Variants in SDK2 observed in about 807,000 individuals in gnomAD.
The protein encoded by SDK2 is sidekick cell adhesion molecule 2.
Under a neutral mutation model 253.9 loss-of-function variants are expected in SDK2, and 105 were observed. The ratio of observed to expected loss-of-function variants is 0.41; its 90% CI spans 0.35 to 0.49. The LOEUF (loss-of-function observed/expected upper bound fraction) is 0.49, where lower values mean the gene tolerates loss of function less well. SDK2 is among the 20% of genes least tolerant of loss of function. The pLI is 0.06. For synonymous variants in SDK2, 1,249 were observed against 1,234.9 expected (o/e 1.01, Z -0.24); for missense variants, 2,608 against 3,003.0 (o/e 0.87, Z 3.07).
chr17:73,580,687 C>T lies in SDK2; in HGVS notation c.64+63338G>A, dbSNP rs140515516. On this transcript the variant is annotated intron_variant, in intron 1 of 44. Coordinates refer to ENST00000392650, the MANE Select transcript of SDK2 (RefSeq NM_001144952.2). Reference sequence around the variant, plus strand: ...CACATATGTGTAAGCGGAGGAGCTACACAAAGAAGGAAAAAGGTTGGTATT... The same window carrying T: ...CACATATGTGTAAGCGGAGGAGCTATACAAAGAAGGAAAAAGGTTGGTATT... Among the ~76,000 whole-genome samples, 406 of 152,338 alleles carry T rather than the reference C, an allele frequency of 2.7e-3. 3 individuals are homozygous for T. The highest frequency in any genetic ancestry group is 9.0e-3 in the African/African-American group (375 of 41,576).
At chr17:73,482,608 T>C (rs1420395019) in intron 2 of SDK2, among the ~76,000 whole-genome samples, 1 of 152,202 alleles carries the variant, frequency 6.6e-6, no homozygotes, top group Non-Finnish European at 1.5e-5. Context: ...GGGGAAGGCG[T>C]CTGTCGGCCC....
chr17:73,390,486 G>T lies in SDK2; in HGVS notation c.3998-5C>A. The T allele has an allele frequency of 6.2e-7, 1 of 1,607,042 alleles. No individual in the cohort carries two copies. Among genetic ancestry groups the T allele is most frequent in the Non-Finnish European group, 8.5e-7 (1 of 1,175,580 alleles). On this transcript the variant is annotated splice_region_variant and splice_polypyrimidine_tract_variant and intron_variant, in intron 28 of 44. Transcript: ENST00000392650. ...GCCGGTGTGTGATCTGGTAAGCTGT[G>T]GGAAGGAAGCACATGGCTATTATGG...
At chr17:73,414,562 C>A in intron 18 of SDK2, 82 bp downstream of exon 18, 6 of 1,053,436 alleles carry the variant, frequency 5.7e-6, no homozygotes, top group Non-Finnish European at 8.8e-6. Context: ...GGGGGATTTC[C>A]TCCTGCCCAC....
intron 1 of SDK2, among the ~76,000 whole-genome samples, chr17:73,542,527 G>T (rs1049491570): frequency 6.6e-6 from 1 of 152,214 alleles, no homozygotes; most frequent in African/African-American, 2.4e-5. Flanking sequence ...TGAGCAGCCG[G>T]GCCTGGTAAG....
chr17:73,454,876 G>C (rs12150571), intron 4 of SDK2, among the ~76,000 whole-genome samples: 7 of 151,862 alleles, frequency 4.6e-5, no homozygotes, highest in African/African-American at 1.7e-4. Flanking sequence ...GCTAATTTTT[G>C]TATTTTTAGT....
chr17:73,629,569 G>C lies in SDK2; in HGVS notation c.64+14456C>G, dbSNP rs1416912320. Among the ~76,000 whole-genome samples, 1 of 152,084 alleles carries C rather than the reference G, an allele frequency of 6.6e-6. No individual in the cohort carries two copies. Among genetic ancestry groups the C allele is most frequent in the Non-Finnish European group, 1.5e-5 (1 of 68,020 alleles). ...AAAAGAAGACCCCAGCATTTCCTAG[G>C]GAAGACGGGGGCCCCTCCCATCCTA... is the stretch of plus-strand genomic sequence containing the variant. On this transcript the variant is annotated intron_variant, in intron 1 of 44. Coordinates refer to ENST00000392650, the MANE Select transcript of SDK2 (RefSeq NM_001144952.2). The surrounding 1 kb of genome is among the most constrained non-coding windows in gnomAD (Gnocchi z 5.0).
rs539453302 is a variant in SDK2, at chr17:73,466,714, C to T, written c.331+5398G>A. Among the ~76,000 whole-genome samples the T allele has an allele frequency of 3.9e-5, 4 of 103,418 alleles. No homozygotes were observed. In the South Asian group the frequency reaches 1.4e-3, roughly 35 times the overall value. 67.8% of individuals were successfully genotyped at this position (103,418 alleles called of 152,430 possible). On this transcript the variant is annotated intron_variant, in intron 3 of 44. Coordinates refer to ENST00000392650, the MANE Select transcript of SDK2 (RefSeq NM_001144952.2). ...GGATCATTTTGGAGGCTCTGGGGAA[C>T]GCCCCCCCCCCCCGGCTTAGGCTCT...
chr17:73,621,333 G>A (rs2046130282), intron 1 of SDK2, among the ~76,000 whole-genome samples: 1 of 152,176 alleles, frequency 6.6e-6, no homozygotes, highest in Admixed American at 6.5e-5. Context: ...ATCAATACTT[G>A]TTGAAGAAAT....
intron 3 of SDK2, among the ~76,000 whole-genome samples, chr17:73,457,365 T>C (rs1380480327): frequency 1.4e-5 from 2 of 141,422 alleles, no homozygotes; most frequent in Non-Finnish European, 3.1e-5. Flanking sequence ...CTTTCTTTCT[T>C]TCATCTCACT....
chr17:73,506,047 G>A (rs1020390014), intron 2 of SDK2, among the ~76,000 whole-genome samples: 9 of 152,216 alleles, frequency 5.9e-5, no homozygotes, highest in South Asian at 2.1e-4. Context: ...TCCTGCCTCC[G>A]GCTCCCAGCC....
intron 2 of SDK2, among the ~76,000 whole-genome samples, chr17:73,492,079 C>T (rs1323050151): frequency 2.0e-5 from 3 of 152,126 alleles, no homozygotes; most frequent in Non-Finnish European, 4.4e-5. Flanking sequence ...GGCCCCAACA[C>T]CATGGTGGCC....
intron 1 of SDK2, among the ~76,000 whole-genome samples, chr17:73,588,583 G>GC (rs1051739981): frequency 9.2e-5 from 14 of 151,914 alleles, no homozygotes; most frequent in African/African-American, 3.1e-4. Flanking sequence ...ACTCAACTTT[G>GC]CCCCCCAGGG....
chr17:73,578,438 G>T (rs990136951), intron 1 of SDK2, among the ~76,000 whole-genome samples: 1 of 152,106 alleles, frequency 6.6e-6, no homozygotes, highest in African/African-American at 2.4e-5. Flanking sequence ...TAACAAATTT[G>T]TATTGTTTTG....
rs557389107 is a variant in SDK2 at position 73,524,999 on chromosome 17, G to A, written c.65-17402C>T. On this transcript the variant is annotated intron_variant, in intron 1 of 44. Coordinates refer to ENST00000392650, the MANE Select transcript of SDK2 (RefSeq NM_001144952.2). ...TCACATGCATCCCATGGGTGAGGCC[G>A]TGGATGGCTGTCCAAGACTCACCTT... Among the ~76,000 whole-genome samples, 8 of 152,398 alleles carry A rather than the reference G, an allele frequency of 5.2e-5. No individual in the cohort carries two copies. The South Asian group carries it at 6.2e-4, about 12-fold the overall frequency.
At chr17:73,396,131 G>A (rs988808715) in intron 24 of SDK2, among the ~76,000 whole-genome samples, 2 of 152,020 alleles carry the variant, frequency 1.3e-5, no homozygotes, top group South Asian at 2.1e-4. Flanking sequence ...TGCTCGCCTC[G>A]GCCTCCCAAA....
intron 1 of SDK2, among the ~76,000 whole-genome samples, chr17:73,637,709 C>T (rs567777762): frequency 1.3e-5 from 2 of 152,328 alleles, no homozygotes; most frequent in African/African-American, 4.8e-5. Context: ...TCTTCCTCTC[C>T]CTTTTCCTCT....
Position 73,553,770 on chromosome 17 carries a change from C to T in SDK2, c.65-46173G>A, listed in dbSNP as rs1313626502. ...CACCCCCTTCCTGAGGAGGTGCTGG[C>T]AGAGGGGGCATGACCAGCTCCAGCC... On this transcript the variant is annotated intron_variant, in intron 1 of 44. Coordinates refer to ENST00000392650, the MANE Select transcript of SDK2 (RefSeq NM_001144952.2). Among the ~76,000 whole-genome samples, 3 of 152,332 alleles carry T rather than the reference C, an allele frequency of 2.0e-5. No individual in the cohort carries two copies. In the East Asian group the frequency reaches 5.8e-4, roughly 29 times the overall value.
intron 34 of SDK2, among the ~76,000 whole-genome samples, chr17:73,380,345 C>T (rs2062820247): frequency 6.6e-6 from 1 of 152,138 alleles, no homozygotes. Flanking sequence ...AACCCTCTTG[C>T]CTAAGGCCCT....
chr17:73,594,809 G>C (rs759007472), intron 1 of SDK2, among the ~76,000 whole-genome samples: 30 of 150,734 alleles, frequency 2.0e-4, no homozygotes, highest in Admixed American at 2.0e-4. Flanking sequence ...AATACACACA[G>C]CACACAGACA....
Sources: allele counts gnomAD v4.1 joint callset (sites outside exome capture counted in the v4.1 genomes callset), GRCh38; gene constraint gnomAD v4.1.1; non-coding constraint Gnocchi (gnomAD v3.1); transcripts MANE v1.5; gene names NCBI Gene and HGNC (gene_info 2026-07-23, HGNC 2026-07-21).